SPATA1: variants seen among roughly 807,000 people sequenced by gnomAD.
SPATA1 encodes the protein spermatogenesis-associated protein 1.
Under a neutral mutation model 59.6 loss-of-function variants are expected in SPATA1, and 57 were observed. That is an observed-to-expected ratio of 0.96 (90% CI 0.77 to 1.19). The LOEUF (loss-of-function observed/expected upper bound fraction) is 1.19, where lower values mean the gene tolerates loss of function less well. Ranked by LOEUF, SPATA1 falls within the 50% of genes most tolerant of loss-of-function variation. The pLI is 0.00. For synonymous variants in SPATA1, 147 were observed against 163.9 expected, an observed-to-expected ratio of 0.90 and a Z score of 0.79; for missense variants, 448 against 480.7, an observed-to-expected ratio of 0.93 and a Z score of 0.64.
At chr1:84,527,243 C>T (rs1365103158) in intron 6 of SPATA1, among the ~76,000 whole-genome samples, 5 of 152,080 alleles carry the variant, frequency 3.3e-5, no homozygotes, top group Non-Finnish European at 7.4e-5. Context: ...GCTTTTCCTT[C>T]ACAGTTTATT....
At chr1:84,555,362 A>G (rs1252799058), downstream of SPATA1, among the ~76,000 whole-genome samples, 1 of 152,318 alleles carries the variant, frequency 6.6e-6, no homozygotes, top group South Asian at 2.1e-4. Flanking sequence ...TTAGGGCATA[A>G]CACTTTCCTA....
exon 13 of SPATA1, chr1:84,553,639 T>A (rs967278493): frequency 5.3e-5 from 8 of 152,228 alleles, no homozygotes; most frequent in Non-Finnish European, 1.5e-5. Flanking sequence ...AATTCATTTA[T>A]TTTAGAAATA....
At chr1:84,510,141 T>A (rs564089650) in intron 1 of SPATA1, among the ~76,000 whole-genome samples, 1 of 152,128 alleles carries the variant, frequency 6.6e-6, no homozygotes, top group Non-Finnish European at 1.5e-5. Context: ...CACTCCAGCA[T>A]GGGCAACAGA....
downstream of SPATA1, among the ~76,000 whole-genome samples, chr1:84,566,569 A>G (rs969252260): frequency 3.3e-5 from 5 of 152,196 alleles, no homozygotes; most frequent in African/African-American, 1.2e-4. Flanking sequence ...AATCAAGTCA[A>G]AATGTTGAAT....
At chr1:84,554,359 T>C (rs945036463) in exon 13 of SPATA1, 2 of 152,218 alleles carry the variant, frequency 1.3e-5, no homozygotes, top group African/African-American at 4.8e-5. Context: ...ATTCAAAATA[T>C]TACTGTTACA....
exon 13 of SPATA1, chr1:84,554,445 A>G (rs1051920751): frequency 6.6e-6 from 1 of 152,308 alleles, no homozygotes; most frequent in Non-Finnish European, 1.5e-5. Flanking sequence ...ATTTAGTTCA[A>G]GTACCTCAGA....
intron 1 of SPATA1, among the ~76,000 whole-genome samples, chr1:84,513,264 T>C (rs1375481375): frequency 6.6e-6 from 1 of 152,130 alleles, no homozygotes; most frequent in African/African-American, 2.4e-5. Flanking sequence ...GTCTCCGGAG[T>C]AGCTGGGATT....
At chr1:84,560,085 A>G (rs1313146672) in intron 4 of SPATA1, among the ~76,000 whole-genome samples, 1 of 54,100 alleles carries the variant, frequency 1.8e-5, no homozygotes, top group Non-Finnish European at 3.4e-5. Flanking sequence ...CTCTGTCTCA[A>G]AAAAAAAAAA....
intron 1 of SPATA1, among the ~76,000 whole-genome samples, chr1:84,511,354 A>G (rs1682536803): frequency 2.0e-5 from 3 of 152,332 alleles, no homozygotes; most frequent in Middle Eastern, 3.4e-3. Context: ...TTCTGATTCT[A>G]TATCATTCTG....
chr1:84,560,640 G>A (rs1684577335), intron 4 of SPATA1, among the ~76,000 whole-genome samples: 1 of 152,160 alleles, frequency 6.6e-6, no homozygotes, highest in South Asian at 2.1e-4. Context: ...TAGCTAGACA[G>A]GAGAAGTCAA....
intron 4 of SPATA1, 22 bp from the exon 5 acceptor site, chr1:84,525,674 T>G: frequency 6.4e-7 from 1 of 1,553,260 alleles, no homozygotes; most frequent in Non-Finnish European, 8.6e-7. Flanking sequence ...GCTTTAATTT[T>G]TTTCTCACTA....
chr1:84,555,557 G>A (rs1259217605), downstream of SPATA1, among the ~76,000 whole-genome samples: 2 of 152,150 alleles, frequency 1.3e-5, no homozygotes, highest in African/African-American at 4.8e-5. Context: ...TACTTTCTAG[G>A]TATTATTGCT....
At chr1:84,557,567 A>G (rs1684479025), downstream of SPATA1, among the ~76,000 whole-genome samples, 1 of 148,828 alleles carries the variant, frequency 6.7e-6, no homozygotes, top group Non-Finnish European at 1.5e-5. Flanking sequence ...AAAAAAAAAA[A>G]GAAGGAGGCT....
At position 84,526,090 on chromosome 1, in the gene SPATA1, A is replaced by G. The variant is rs1285874392; in HGVS notation, c.544+17A>G. ...AGGAAGAAGGTGATTTTAAACTGGA[A>G]TGGGAAAAAGAAAGAGGCTATTATA... is the stretch of plus-strand genomic sequence containing the variant. On this transcript the variant is annotated intron_variant, in intron 6 of 12. Coordinates refer to ENST00000490879, the Ensembl canonical transcript of SPATA1. The G allele has an allele frequency of 6.3e-7, 1 of 1,584,182 alleles. No individual in the cohort carries two copies. Among genetic ancestry groups the G allele is most frequent in the Admixed American group, 1.8e-5 (1 of 55,490 alleles).
chr1:84,546,702 C>A (rs932274512), intron 10 of SPATA1, among the ~76,000 whole-genome samples: 1 of 152,118 alleles, frequency 6.6e-6, no homozygotes, highest in East Asian at 1.9e-4. Flanking sequence ...AGTTTACCTG[C>A]CTATTTCCTA....
chr1:84,558,899 T>TA (rs1298637055), downstream of SPATA1, among the ~76,000 whole-genome samples: 2 of 150,376 alleles, frequency 1.3e-5, no homozygotes, highest in African/African-American at 4.9e-5. Context: ...AAACCTCGTC[T>TA]AAAAAAAAAG....
chr1:84,545,527 T>G, intron 9 of SPATA1, 107 bp from the exon 10 acceptor site: 1 of 1,272,574 alleles, frequency 7.9e-7, no homozygotes, highest in Non-Finnish European at 1.0e-6. Flanking sequence ...GGGATAAAAT[T>G]TATTCTTGCT....
downstream of SPATA1, among the ~76,000 whole-genome samples, chr1:84,557,803 A>G (rs1684490515): frequency 6.6e-6 from 1 of 151,178 alleles, no homozygotes; most frequent in Non-Finnish European, 1.5e-5. Context: ...GCTTGCAGTG[A>G]GCCAAGATCG....
At chr1:84,544,366 G>A in intron 9 of SPATA1, 62 bp downstream of exon 9, 1 of 1,266,800 alleles carries the variant, frequency 7.9e-7, no homozygotes, top group Non-Finnish European at 1.1e-6. Context: ...AATGTTAATG[G>A]GGAGTTACTG....
Sources: allele counts gnomAD v4.1 joint callset (sites outside exome capture counted in the v4.1 genomes callset), GRCh38; gene constraint gnomAD v4.1.1; transcripts MANE v1.5; gene names NCBI Gene and HGNC (gene_info 2026-07-23, HGNC 2026-07-21).